STK11: variants seen among roughly 807,000 people sequenced by gnomAD.
STK11 encodes the protein serine/threonine-protein kinase STK11.
Under a neutral mutation model 47.3 loss-of-function variants are expected in STK11, and 8 were observed. The observed-to-expected ratio is 0.17, with a 90% CI of 0.10 to 0.31. The LOEUF is 0.31. Among genes scored for constraint, STK11 ranks in the 10% least tolerant of loss-of-function variants. The pLI, the probability that STK11 is intolerant of heterozygous loss-of-function variation, is 1.00. For synonymous variants in STK11, 330 were observed against 255.8 expected (o/e 1.29, Z -2.77); for missense variants, 475 against 605.0 (o/e 0.79, Z 2.25).
Position 1,218,443 on chromosome 19 carries a change from G to T in STK11, c.317G>T (p.Arg106Leu), listed in dbSNP as rs375622587. ...GAAATTCAACTACTGAGGAGGTTAC[G>T]GCACAAAAATGTCATCCAGCTGGTG... ...KKEIQLLRRL[R>L]HKNVIQLVDV... The change falls in exon 2 of 10, where the codon CGG (arginine) becomes CTG (leucine). Residue 106 changes from arginine to leucine, a missense_variant. This residue lies in a region of STK11 where 46 missense variants were observed against 45.5 expected (regional missense o/e 1.01). Coordinates refer to ENST00000326873, the MANE Select transcript of STK11 (RefSeq NM_000455.5). 2.5e-6 allele frequency: 4 copies of T among 1,613,684 alleles called. No homozygotes were observed. The highest frequency in any genetic ancestry group is 3.4e-6 in the Non-Finnish European group (4 of 1,179,818).
chr19:1,226,340 G>T, intron 8 of STK11, 114 bp from the exon 9 acceptor site: 1 of 1,506,016 alleles, frequency 6.6e-7, no homozygotes, highest in Non-Finnish European at 8.9e-7. Context: ...CCCGGGGGCG[G>T]GCATGGCCTG....
chr19:1,211,628 C>T (rs2080711437), intron 1 of STK11, among the ~76,000 whole-genome samples: 1 of 152,244 alleles, frequency 6.6e-6, no homozygotes, highest in African/African-American at 2.4e-5. Context: ...CTGCCCTTTC[C>T]TGTCACTTCC....
intron 5 of STK11, among the ~76,000 whole-genome samples, 185 bp downstream of exon 5, chr19:1,220,902 G>A (rs1354848906): frequency 6.6e-6 from 1 of 152,218 alleles, no homozygotes; most frequent in Non-Finnish European, 1.5e-5. Flanking sequence ...GTTCACCCGT[G>A]TGAAGTGCAG....
intron 8 of STK11, chr19:1,225,784 G>A (rs1158636589): frequency 3.0e-6 from 3 of 985,424 alleles, no homozygotes; most frequent in African/African-American, 3.5e-5. Flanking sequence ...CGGAGTCCTC[G>A]CCAACCACCA....
chr19:1,210,515 G>A (rs1436853454), intron 1 of STK11, among the ~76,000 whole-genome samples: 4 of 152,094 alleles, frequency 2.6e-5, no homozygotes, highest in Non-Finnish European at 4.4e-5. Flanking sequence ...GCCTTGTCCC[G>A]CTCTCACCGG....
At chr19:1,218,202 C>G (rs907604786) in intron 1 of STK11, among the ~76,000 whole-genome samples, 1 of 152,132 alleles carries the variant, frequency 6.6e-6, no homozygotes, top group Non-Finnish European at 1.5e-5. Flanking sequence ...CGATGACAGA[C>G]TAGAGGGCGC....
chr19:1,213,904 T>C (rs966791116), intron 1 of STK11, among the ~76,000 whole-genome samples: 1 of 152,222 alleles, frequency 6.6e-6, no homozygotes, highest in Non-Finnish European at 1.5e-5. Flanking sequence ...GGCCCATCTC[T>C]TCCCTGTATG....
intron 1 of STK11, among the ~76,000 whole-genome samples, chr19:1,208,375 T>G (rs1214161159): frequency 6.7e-6 from 1 of 149,054 alleles, no homozygotes; most frequent in Non-Finnish European, 1.5e-5. Context: ...TGGCGCGAAC[T>G]GGGCTCACTG....
At position 1,206,834 on chromosome 19, in the gene STK11, A is replaced by C; in HGVS notation, c.-80A>C. 1 of 1,448,806 alleles carries C rather than the reference A, an allele frequency of 6.9e-7. No individual in the cohort carries two copies. Among genetic ancestry groups the C allele is most frequent in the Admixed American group, 2.7e-5 (1 of 36,386 alleles). 89.7% of individuals were successfully genotyped at this position (1,448,806 alleles called of 1,614,324 possible). ...TTTTTTCTTTGTAAAATTTTGGAGA[A>C]GGGAAGTCGGAACACAAGGAAGGAC... On this transcript the variant is annotated 5_prime_UTR_variant, in exon 1 of 10. Transcript: ENST00000326873.
chr19:1,208,254 GC>G (rs2080682613), intron 1 of STK11, among the ~76,000 whole-genome samples: 1 of 151,870 alleles, frequency 6.6e-6, no homozygotes, highest in African/African-American at 2.4e-5. Flanking sequence ...TGGGGCTCCT[GC>G]CGTGTCTGCT....
At chr19:1,212,260 ATTT>A (rs1487966918) in intron 1 of STK11, among the ~76,000 whole-genome samples, 1 of 140,948 alleles carries the variant, frequency 7.1e-6, no homozygotes, top group East Asian at 2.1e-4. Flanking sequence ...ACTGGACTCA[ATTT>A]TCTTAACACC....
intron 5 of STK11, 133 bp downstream of exon 5, chr19:1,220,850 G>A (rs1339090065): frequency 1.5e-6 from 2 of 1,364,352 alleles, no homozygotes; most frequent in Non-Finnish European, 2.0e-6. Flanking sequence ...GCCGCTAGGG[G>A]GTGCTTACTT....
At chr19:1,221,916 C>T (rs902411535) in intron 6 of STK11, 33 bp from the exon 7 acceptor site, 2 of 1,550,230 alleles carry the variant, frequency 1.3e-6, no homozygotes, top group Admixed American at 3.9e-5. Flanking sequence ...GGCCTGTGCC[C>T]AGCTGACAGG....
Position 1,226,567 on chromosome 19 carries a change from G to A in STK11, c.1222G>A (p.Gly408Ser), listed in dbSNP as rs749463771. 3.1e-6 allele frequency: 5 copies of A among 1,590,818 alleles called. 1 individual carries two copies. In the South Asian group the frequency reaches 4.6e-5, roughly 15 times the overall value. ...GCTGAGCACCAAATCCAGGGCGGAG[G>A]GCCGGGCCCCCAACCCTGCCCGCAA... Reference protein sequence around the residue: ...AQLSTKSRAEGRAPNPARKAC... With the variant: ...AQLSTKSRAESRAPNPARKAC... The change falls in exon 9 of 10, where the codon GGC becomes AGC. Residue 408 changes from glycine (G) to serine (S), a missense_variant. Coordinates refer to ENST00000326873, the MANE Select transcript of STK11 (RefSeq NM_000455.5).
At chr19:1,212,990 C>CTTTT (rs35169539) in intron 1 of STK11, among the ~76,000 whole-genome samples, 35 of 94,794 alleles carry the variant, frequency 3.7e-4, no homozygotes, top group Non-Finnish European at 5.6e-4. Flanking sequence ...TAAAGTTCAC[C>CTTTT]TTTTTTTTTT....
chr19:1,224,802 C>T (rs946200540), intron 8 of STK11: 13 of 985,452 alleles, frequency 1.3e-5, no homozygotes, highest in African/African-American at 1.2e-4. Context: ...CCAGACCACT[C>T]GGCATGGCTG....
intron 1 of STK11, among the ~76,000 whole-genome samples, chr19:1,217,469 G>A (rs1041346148): frequency 6.6e-6 from 1 of 152,156 alleles, no homozygotes; most frequent in Non-Finnish European, 1.5e-5. Flanking sequence ...TATAGTGCTG[G>A]GAGAAATGAA....
At chr19:1,225,814 T>C (rs2080816674) in intron 8 of STK11, 2 of 986,040 alleles carry the variant, frequency 2.0e-6, no homozygotes, top group Middle Eastern at 5.2e-4. Context: ...GCAGGGACAG[T>C]ACGTGGGCAG....
chr19:1,220,749 C>T (rs756786992), intron 5 of STK11, 32 bp downstream of exon 5: 28 of 1,588,696 alleles, frequency 1.8e-5, no homozygotes, highest in Non-Finnish European at 2.3e-5. Flanking sequence ...GCACTCACCA[C>T]ACGCACACTC....
Sources: gnomAD v4.1 joint callset for allele counts (sites outside exome capture counted in the v4.1 genomes callset) on GRCh38, gnomAD v4.1.1 for gene constraint, gnomAD v4.1.1 regional missense constraint, MANE v1.5 for transcripts, NCBI Gene and HGNC (gene_info 2026-07-23, HGNC 2026-07-21) for gene names.